The following MLLT3 variants were observed in gnomAD, a reference collection of about 807,000 sequenced individuals.
The protein encoded by MLLT3 is protein AF-9.
A neutral mutation model predicts 53.2 loss-of-function variants in MLLT3; 4 were observed. The observed-to-expected ratio is 0.08, with a 90% CI of 0.04 to 0.17. The LOEUF is 0.17. MLLT3 is among the 10% of genes least tolerant of loss of function. The probability of loss-of-function intolerance (pLI) is 1.00; values close to 1 mark genes in which losing one functional copy is unlikely to be tolerated. For missense variants in MLLT3, 569 were observed against 684.0 expected (o/e 0.83, Z 1.87); for synonymous variants, 283 against 230.6 (o/e 1.23, Z -2.06).
intron 2 of MLLT3, among the ~76,000 whole-genome samples, chr9:20,592,996 C>T (rs1563834744): frequency 6.6e-6 from 1 of 152,196 alleles, no homozygotes. Flanking sequence ...CATTCCAACA[C>T]TTGCTACCAA....
At chr9:20,401,032 C>T (rs1047540702) in intron 5 of MLLT3, among the ~76,000 whole-genome samples, 9 of 152,054 alleles carry the variant, frequency 5.9e-5, no homozygotes, top group African/African-American at 2.2e-4. Context: ...CCAAACTAAG[C>T]GCTGAATAGA....
At chr9:20,602,546 C>A (rs1027077597) in intron 2 of MLLT3, among the ~76,000 whole-genome samples, 1 of 152,076 alleles carries the variant, frequency 6.6e-6, no homozygotes, top group South Asian at 2.1e-4. Context: ...GACACACAAA[C>A]ACCTAACCCA....
At chr9:20,592,494 T>C (rs1317664216) in intron 2 of MLLT3, among the ~76,000 whole-genome samples, 2 of 152,166 alleles carry the variant, frequency 1.3e-5, no homozygotes, top group East Asian at 1.9e-4. Context: ...CTTCTCTTCT[T>C]ATAAGGACAC....
intron 5 of MLLT3, among the ~76,000 whole-genome samples, chr9:20,396,087 T>C (rs1354496214): frequency 6.6e-6 from 1 of 151,958 alleles, no homozygotes; most frequent in African/African-American, 2.4e-5. Context: ...GCATCTATAA[T>C]GGCAATGTCA....
chr9:20,363,453 C>A, intron 7 of MLLT3, 23 bp downstream of exon 7: 1 of 1,612,906 alleles, frequency 6.2e-7, no homozygotes, highest in Non-Finnish European at 8.5e-7. Context: ...CACAGGCAAC[C>A]CCTTTCCTTC....
chr9:20,574,507 C>T (rs1819607263), intron 2 of MLLT3, among the ~76,000 whole-genome samples: 1 of 152,196 alleles, frequency 6.6e-6, no homozygotes, highest in African/African-American at 2.4e-5. Flanking sequence ...GTTACATTTA[C>T]ACTATACCAT....
Position 20,346,542 on chromosome 9 carries a change from A to G in MLLT3, c.1608T>C (p.Phe536=), listed in dbSNP as rs768651783. ...AATCAAATGTTGTGTTTGTGATATGAAAGTGTCCAGTTTCTTCTATAAGGT... is the reference window on the plus strand; with the variant it reads ...AATCAAATGTTGTGTTTGTGATATGGAAGTGTCCAGTTTCTTCTATAAGGT... ...IVNLIEETGH[F]HITNTTFDFD... The change falls in exon 11 of 11, where the codon TTT becomes TTC. Residue 536 remains phenylalanine, a synonymous_variant. Coordinates refer to ENST00000380338, the MANE Select transcript of MLLT3 (RefSeq NM_004529.4). The G allele has an allele frequency of 5.6e-6, 9 of 1,613,804 alleles. No homozygotes were observed. The highest frequency in any genetic ancestry group is 6.8e-6 in the Non-Finnish European group (8 of 1,179,724).
chr9:20,583,719 G>A (rs1218463970), intron 2 of MLLT3, among the ~76,000 whole-genome samples: 1 of 152,194 alleles, frequency 6.6e-6, no homozygotes, highest in Non-Finnish European at 1.5e-5. Context: ...AGCCATGGCT[G>A]GAGCAGCTGG....
chr9:20,369,150 G>A (rs1421032712), intron 5 of MLLT3, among the ~76,000 whole-genome samples: 1 of 152,192 alleles, frequency 6.6e-6, no homozygotes, highest in East Asian at 1.9e-4. Context: ...CAACCATGCT[G>A]ATGAGAACCA....
chr9:20,360,830 C>G lies in MLLT3; in HGVS notation c.1343G>C (p.Ser448Thr), dbSNP rs1322354522. ...ACTGCTTTCACTATCGCTGCCATCA[C>G]TTAAGCTAACTCTGAAAAGAAACAG... ...GGSRSRRVSLSDGSDSESSSA... is the reference protein window; with the variant it reads ...GGSRSRRVSLTDGSDSESSSA... The change falls in exon 8 of 11, where the codon AGT becomes ACT. Residue 448 changes from serine (S) to threonine (T), a missense_variant. Coordinates refer to ENST00000380338, the MANE Select transcript of MLLT3 (RefSeq NM_004529.4). 6.2e-7 allele frequency: 1 copy of G among 1,613,842 alleles called. No homozygotes were observed. Among genetic ancestry groups the G allele is most frequent in the South Asian group, 1.1e-5 (1 of 91,068 alleles).
rs1286955597 is a variant in MLLT3 at position 20,346,582 on chromosome 9, A to T, written c.1576-8T>A. On this transcript the variant is annotated splice_polypyrimidine_tract_variant and splice_region_variant and intron_variant, in intron 10 of 10. Transcript: ENST00000380338. ...TTCTATAAGGTTCACGATCTAGAGG[A>T]GTGAAGAAGAGAAAGTTTGGGCAAT... The T allele has an allele frequency of 4.7e-5, 75 of 1,608,924 alleles. No homozygotes were observed. The highest frequency in any genetic ancestry group is 6.4e-5 in the Non-Finnish European group (75 of 1,178,218).
At chr9:20,373,470 C>T (rs1006065400) in intron 5 of MLLT3, among the ~76,000 whole-genome samples, 3 of 152,200 alleles carry the variant, frequency 2.0e-5, no homozygotes, top group Non-Finnish European at 2.9e-5. Context: ...CAGGGGAGGC[C>T]TGCATAAGCT....
At chr9:20,371,988 A>C (rs1160921307) in intron 5 of MLLT3, among the ~76,000 whole-genome samples, 2 of 152,218 alleles carry the variant, frequency 1.3e-5, no homozygotes, top group African/African-American at 4.8e-5. Context: ...GCTGATTTCA[A>C]CCTTCATGGA....
At chr9:20,426,740 A>G (rs1823148144) in intron 4 of MLLT3, among the ~76,000 whole-genome samples, 1 of 152,158 alleles carries the variant, frequency 6.6e-6, no homozygotes, top group African/African-American at 2.4e-5. Flanking sequence ...ATACAACTAG[A>G]TATTAGATAA....
intron 4 of MLLT3, among the ~76,000 whole-genome samples, chr9:20,445,282 A>G (rs1823665732): frequency 6.6e-6 from 1 of 152,176 alleles, no homozygotes. Context: ...TTCTTCTTTT[A>G]TAACAAGAAT....
chr9:20,426,342 C>G (rs191381151), intron 4 of MLLT3, among the ~76,000 whole-genome samples: 98 of 152,204 alleles, frequency 6.4e-4, no homozygotes, highest in Non-Finnish European at 1.2e-3. Context: ...CCAGATCATT[C>G]CAGCCTTCTC....
Position 20,363,578 on chromosome 9 carries a change from A to C in MLLT3, c.1229T>G (p.Leu410Arg). 6.2e-7 allele frequency: 1 copy of C among 1,613,994 alleles called. No individual in the cohort carries two copies. The highest frequency in any genetic ancestry group is 8.5e-7 in the Non-Finnish European group (1 of 1,179,962). The change falls in exon 7 of 11, where the codon CTG becomes CGG. Residue 410 changes from leucine to arginine, a missense_variant. Physicochemically the swap from Leu to Arg is moderately radical, Grantham distance 102. Around this residue, in one of 5 missense-constraint regions of MLLT3, gnomAD observed 437 missense variants for 376.5 expected, o/e 1.16. Coordinates refer to ENST00000380338, the MANE Select transcript of MLLT3 (RefSeq NM_004529.4). ...TTCCTCCTCATTGTCATCAGAATGC[A>C]GATCTTTCATTATAGACCTCAAAGG... ...QGPLRSIMKD[L>R]HSDDNEEESD...
chr9:20,602,215 C>G (rs1362098632), intron 2 of MLLT3, among the ~76,000 whole-genome samples: 2 of 152,058 alleles, frequency 1.3e-5, no homozygotes, highest in Non-Finnish European at 2.9e-5. Flanking sequence ...TTTCAAGCCT[C>G]CAAAAATTAA....
intron 2 of MLLT3, among the ~76,000 whole-genome samples, chr9:20,525,632 T>C (rs1818181565): frequency 6.6e-6 from 1 of 152,382 alleles, no homozygotes; most frequent in East Asian, 1.9e-4. Flanking sequence ...ATTTCATTCA[T>C]CTGTAAACCA....
Sources: gnomAD v4.1 joint callset for allele counts (sites outside exome capture counted in the v4.1 genomes callset) on GRCh38, gnomAD v4.1.1 for gene constraint, gnomAD v4.1.1 regional missense constraint, MANE v1.5 for transcripts, NCBI Gene and HGNC (gene_info 2026-07-23, HGNC 2026-07-21) for gene names.